Variants in INPP5A observed in about 807,000 individuals in gnomAD.
INPP5A encodes inositol polyphosphate-5-phosphatase A, also known as 43 kDa inositol polyphosphate 5-phophatase.
Under a neutral mutation model 65.2 loss-of-function variants are expected in INPP5A, and 14 were observed. The ratio of observed to expected loss-of-function variants is 0.21; its 90% CI spans 0.14 to 0.34. INPP5A has a LOEUF of 0.34. INPP5A is among the 10% of genes least tolerant of loss of function. The probability of loss-of-function intolerance (pLI) is 1.00; values close to 1 mark genes in which losing one functional copy is unlikely to be tolerated. For missense variants in INPP5A, 431 were observed against 545.6 expected, an observed-to-expected ratio of 0.79 and a Z score of 2.09; for synonymous variants, 207 against 208.3, an observed-to-expected ratio of 0.99 and a Z score of 0.05.
rs924067322 is a variant in INPP5A at position 132,575,511 on chromosome 10, A to G, written c.76-32404A>G. On this transcript the variant is annotated intron_variant, in intron 1 of 15. Coordinates refer to ENST00000368594, the MANE Select transcript of INPP5A (RefSeq NM_005539.5). This position sits in a 1 kb window ranked among gnomAD's most constrained non-coding sequence, Gnocchi z 5.4. ...CCAAACCGATCTAACCACATTCACA[A>G]TCATTTGGAAACTGGTGAAAAGGGG... Among the ~76,000 whole-genome samples the G allele has an allele frequency of 2.0e-5, 3 of 152,238 alleles. No individual in the cohort carries two copies. The highest frequency in any genetic ancestry group is 4.8e-5 in the African/African-American group (2 of 41,558).
chr10:132,767,577 G>A (rs973989348), intron 12 of INPP5A, among the ~76,000 whole-genome samples: 1 of 152,200 alleles, frequency 6.6e-6, no homozygotes, highest in African/African-American at 2.4e-5. Flanking sequence ...GGAGGTGCAG[G>A]AAGCCTCAGG....
At chr10:132,623,796 CAAT>C (rs1451545986) in intron 2 of INPP5A, among the ~76,000 whole-genome samples, 1 of 151,842 alleles carries the variant, frequency 6.6e-6, no homozygotes, top group African/African-American at 2.4e-5. Flanking sequence ...TCTGAAAAGC[CAAT>C]AATAAGAAAG....
At position 132,549,613 on chromosome 10, in the gene INPP5A, G is replaced by A. The variant is rs1455964304; in HGVS notation, c.75+11442G>A. 2.0e-5 allele frequency among the ~76,000 whole-genome samples: 3 copies of A among 152,240 alleles called. No homozygotes were observed. The highest frequency in any genetic ancestry group is 1.9e-4 in the East Asian group (1 of 5,196). On this transcript the variant is annotated intron_variant, in intron 1 of 15. Transcript: ENST00000368594. This position sits in a 1 kb window ranked among gnomAD's most constrained non-coding sequence, Gnocchi z 4.9. ...GAGGCTCCCGCTTGCCTGGCAGGTG[G>A]CAGGTGTGATGAGCATGGGGAGTGC...
chr10:132,751,698 G>GAGGCAGGTGCCCAGGAGGTGTCTGGGTGC (rs1310545820), intron 11 of INPP5A, among the ~76,000 whole-genome samples: 3 of 150,064 alleles, frequency 2.0e-5, no homozygotes, highest in South Asian at 2.1e-4. Flanking sequence ...TGTCTGGGTG[G>GAGGCAGGTGCCCAGGAGGTGTCTGGGTGC]AGGCAGGTGC....
rs1412093760 is a variant in INPP5A at position 132,656,544 on chromosome 10, C to A, written c.306+6039C>A. Among the ~76,000 whole-genome samples, 19 of 152,162 alleles carry A rather than the reference C, an allele frequency of 1.2e-4. 1 individual carries two copies. The highest frequency in any genetic ancestry group is 1.2e-3 in the Admixed American group (19 of 15,282). ...AGGACCCCAGCTGGAGTCAAGGAGT[C>A]AGCAGAAGAGGGGGTTGGAGGAGCG... On this transcript the variant is annotated intron_variant, in intron 4 of 15. Coordinates refer to ENST00000368594, the MANE Select transcript of INPP5A (RefSeq NM_005539.5).
chr10:132,579,500 T>G lies in INPP5A; in HGVS notation c.76-28415T>G, dbSNP rs959381767. 3.3e-5 allele frequency among the ~76,000 whole-genome samples: 5 copies of G among 152,106 alleles called. No homozygotes were observed. In the East Asian group the frequency reaches 9.6e-4, roughly 29 times the overall value. ...GGGGCCGGAGCCAAGGAGTGGACTC[T>G]GGGCATCCCAATGGTCTGTGTGAGG... On this transcript the variant is annotated intron_variant, in intron 1 of 15. Coordinates refer to ENST00000368594, the MANE Select transcript of INPP5A (RefSeq NM_005539.5).
rs1847015331 is a variant in INPP5A at position 132,774,712 on chromosome 10, C to T, written c.978-2959C>T. 3.3e-5 allele frequency among the ~76,000 whole-genome samples: 5 copies of T among 152,052 alleles called. 1 individual carries two copies. In the South Asian group the frequency reaches 1.0e-3, roughly 32 times the overall value. On this transcript the variant is annotated intron_variant, in intron 12 of 15. Transcript: ENST00000368594. ...AGCCTGCTCAGGTTCTAAAGCTGGGCCTTGTCAGCAGGGCCAGTCAGCCTG... is the reference window on the plus strand; with the variant it reads ...AGCCTGCTCAGGTTCTAAAGCTGGGTCTTGTCAGCAGGGCCAGTCAGCCTG...
At chr10:132,541,265 A>G (rs749623866) in intron 1 of INPP5A, among the ~76,000 whole-genome samples, 2 of 152,214 alleles carry the variant, frequency 1.3e-5, no homozygotes, top group Non-Finnish European at 2.9e-5. Context: ...GGTGTGAGCC[A>G]CTGTCCCTGG....
intron 9 of INPP5A, among the ~76,000 whole-genome samples, chr10:132,731,694 G>A (rs1590965737): frequency 6.6e-6 from 1 of 152,218 alleles, no homozygotes; most frequent in South Asian, 2.1e-4. Context: ...CGATCAGCTT[G>A]GGAGGGAGCT....
At chr10:132,647,090 C>T (rs889182411) in intron 3 of INPP5A, among the ~76,000 whole-genome samples, 3 of 151,950 alleles carry the variant, frequency 2.0e-5, no homozygotes, top group Admixed American at 6.6e-5. Context: ...CCAAAATAAT[C>T]TGTAATTTAA....
At position 132,546,618 on chromosome 10, in the gene INPP5A, C is replaced by T. The variant is rs2070975940; in HGVS notation, c.75+8447C>T. Among the ~76,000 whole-genome samples the T allele has an allele frequency of 2.0e-5, 3 of 152,264 alleles. No individual in the cohort carries two copies. The South Asian group carries it at 6.2e-4, about 32-fold the overall frequency. On this transcript the variant is annotated intron_variant, in intron 1 of 15. Transcript: ENST00000368594. This position sits in a 1 kb window ranked among gnomAD's most constrained non-coding sequence, Gnocchi z 5.7. ...TGGGGCAGCTTTCCCCGGCCCCTTC[C>T]CCGCCTCCTTCCCACTCTGGATTGT...
chr10:132,558,541 C>T (rs1029860239), intron 1 of INPP5A, among the ~76,000 whole-genome samples: 1 of 152,212 alleles, frequency 6.6e-6, no homozygotes, highest in Non-Finnish European at 1.5e-5. Flanking sequence ...TCCACTTGTC[C>T]CTCATGTCCA....
chr10:132,764,848 G>A (rs1386159996), intron 11 of INPP5A, among the ~76,000 whole-genome samples: 7 of 137,736 alleles, frequency 5.1e-5, no homozygotes, highest in African/African-American at 1.7e-4. Context: ...TCAGAAACAC[G>A]GCCGGGTCAG....
At chr10:132,745,437 G>A (rs982719846) in intron 9 of INPP5A, among the ~76,000 whole-genome samples, 2 of 152,214 alleles carry the variant, frequency 1.3e-5, no homozygotes, top group Admixed American at 6.5e-5. Context: ...CCCAGCCTTC[G>A]AGCCTGATTG....
intron 8 of INPP5A, among the ~76,000 whole-genome samples, chr10:132,721,775 G>T (rs1031003512): frequency 2.9e-5 from 4 of 137,908 alleles, no homozygotes; most frequent in South Asian, 2.4e-4. Context: ...CTGGGCACCT[G>T]AGACGGCTGT....
chr10:132,565,621 G>T (rs2071262805), intron 1 of INPP5A, among the ~76,000 whole-genome samples: 1 of 152,154 alleles, frequency 6.6e-6, no homozygotes, highest in Non-Finnish European at 1.5e-5. Context: ...GTGCATGTGT[G>T]TATGTGTGTA....
At chr10:132,631,252 G>T (rs1223752269) in intron 2 of INPP5A, among the ~76,000 whole-genome samples, 1 of 152,190 alleles carries the variant, frequency 6.6e-6, no homozygotes, top group Non-Finnish European at 1.5e-5. Context: ...GGTCCCATCG[G>T]CTGCGCCTTG....
chr10:132,552,917 T>C (rs1333875077), intron 1 of INPP5A, among the ~76,000 whole-genome samples: 20 of 104,788 alleles, frequency 1.9e-4, no homozygotes, highest in East Asian at 3.4e-4. Flanking sequence ...GGAGGGAGGA[T>C]TGGTGAACGC....
At chr10:132,647,940 T>C (rs1471103828) in intron 3 of INPP5A, among the ~76,000 whole-genome samples, 1 of 152,208 alleles carries the variant, frequency 6.6e-6, no homozygotes, top group African/African-American at 2.4e-5. Context: ...GTGCAGGAAG[T>C]GCAGCCTACA....
Sources: gnomAD v4.1 joint callset for allele counts (sites outside exome capture counted in the v4.1 genomes callset) on GRCh38, gnomAD v4.1.1 for gene constraint, Gnocchi (gnomAD v3.1) non-coding constraint, MANE v1.5 for transcripts, NCBI Gene and HGNC (gene_info 2026-07-23, HGNC 2026-07-21) for gene names.